Variants in MB21D2 observed in about 807,000 individuals in gnomAD.
MB21D2 encodes the protein Mab-21 domain containing 2.
Under a neutral mutation model 33.3 loss-of-function variants are expected in MB21D2, and 9 were observed. The observed-to-expected ratio is 0.27, with a 90% confidence interval of 0.16 to 0.47. The LOEUF is 0.47. Among genes scored for constraint, MB21D2 ranks in the 20% least tolerant of loss-of-function variants. The probability of loss-of-function intolerance (pLI) is 0.99; values close to 1 mark genes in which losing one functional copy is unlikely to be tolerated. For missense variants in MB21D2, 540 were observed against 624.6 expected, an observed-to-expected ratio of 0.86 and a Z score of 1.44; for synonymous variants, 241 against 236.3, an observed-to-expected ratio of 1.02 and a Z score of -0.18.
chr3:192,814,782 G>A (rs1294863872), intron 1 of MB21D2, among the ~76,000 whole-genome samples: 2 of 151,706 alleles, frequency 1.3e-5, no homozygotes, highest in African/African-American at 4.8e-5. Flanking sequence ...GGAGAATGGC[G>A]TGAACCCAGG....
At chr3:192,889,081 C>T (rs1208063023) in intron 1 of MB21D2, among the ~76,000 whole-genome samples, 1 of 152,070 alleles carries the variant, frequency 6.6e-6, no homozygotes, top group Non-Finnish European at 1.5e-5. Context: ...TCAGCAAGCA[C>T]GCAATCCAGT....
At chr3:192,878,168 C>G (rs554845779) in intron 1 of MB21D2, among the ~76,000 whole-genome samples, 1 of 145,260 alleles carries the variant, frequency 6.9e-6, no homozygotes, top group African/African-American at 2.6e-5. Flanking sequence ...GGCGCAATCT[C>G]GGCTCACTGC....
intron 1 of MB21D2, among the ~76,000 whole-genome samples, chr3:192,878,047 G>A (rs987584702): frequency 5.4e-5 from 8 of 149,526 alleles, no homozygotes; most frequent in Non-Finnish European, 7.4e-5. Context: ...AGGCAGGAAC[G>A]GCCCGTACGA....
intron 1 of MB21D2, among the ~76,000 whole-genome samples, chr3:192,832,713 C>A (rs1189957206): frequency 1.3e-5 from 2 of 152,080 alleles, no homozygotes; most frequent in Non-Finnish European, 2.9e-5. Context: ...TCACTTGGAC[C>A]CGGGAGGCGG....
chr3:192,911,893 C>T (rs1714365460), intron 1 of MB21D2, among the ~76,000 whole-genome samples: 1 of 152,158 alleles, frequency 6.6e-6, no homozygotes, highest in South Asian at 2.1e-4. Flanking sequence ...TCTACAGATG[C>T]AGCACATAGT....
At chr3:192,835,043 C>T (rs1391183117) in intron 1 of MB21D2, among the ~76,000 whole-genome samples, 1 of 149,596 alleles carries the variant, frequency 6.7e-6, no homozygotes. Flanking sequence ...CTCTTGACCT[C>T]GTGATCAGCT....
At chr3:192,835,360 G>A (rs1712414299) in intron 1 of MB21D2, among the ~76,000 whole-genome samples, 1 of 145,442 alleles carries the variant, frequency 6.9e-6, no homozygotes, top group South Asian at 2.2e-4. Context: ...GGAGGTTGAG[G>A]CAAGAGAATG....
intron 1 of MB21D2, among the ~76,000 whole-genome samples, chr3:192,841,377 G>A (rs375037855): frequency 6.6e-6 from 1 of 152,216 alleles, no homozygotes; most frequent in African/African-American, 2.4e-5. Flanking sequence ...TAACAAATAA[G>A]CGTGATGGTT....
In MB21D2 at chr3:192,797,425, C is replaced by G. The variant is rs889844603; in HGVS notation, c.*961G>C. On this transcript the variant is annotated 3_prime_UTR_variant, in exon 2 of 2. Transcript: ENST00000392452. ...GGGGTCAACATGTATAAAGCTTTAA[C>G]AACTTCTCTCAGTAAGACAGGAACC... 6.6e-6 allele frequency: 1 copy of G among 152,572 alleles called. No individual in the cohort carries two copies. Among genetic ancestry groups the G allele is most frequent in the African/African-American group, 2.4e-5 (1 of 41,424 alleles). 9.5% of individuals were successfully genotyped at this position (152,572 alleles called of 1,614,324 possible).
At chr3:192,843,111 A>G (rs1310739439) in intron 1 of MB21D2, among the ~76,000 whole-genome samples, 1 of 152,192 alleles carries the variant, frequency 6.6e-6, no homozygotes, top group East Asian at 1.9e-4. Flanking sequence ...GAGAAAGTTA[A>G]AGCTACTAGC....
intron 1 of MB21D2, among the ~76,000 whole-genome samples, chr3:192,912,355 C>A (rs1714375470): frequency 6.6e-6 from 1 of 151,778 alleles, no homozygotes; most frequent in African/African-American, 2.4e-5. Context: ...GAAAGAGGGA[C>A]AGAGACAGGA....
chr3:192,853,978 C>A (rs1270260014), intron 1 of MB21D2, among the ~76,000 whole-genome samples: 1 of 152,206 alleles, frequency 6.6e-6, no homozygotes, highest in Non-Finnish European at 1.5e-5. Flanking sequence ...CCAGCTGTTA[C>A]CCCAGCTCTC....
At chr3:192,868,795 C>T (rs1327431264) in intron 1 of MB21D2, among the ~76,000 whole-genome samples, 2 of 152,112 alleles carry the variant, frequency 1.3e-5, no homozygotes, top group Admixed American at 6.6e-5. Flanking sequence ...AATTCACTGC[C>T]ACATATAATC....
At chr3:192,815,298 A>C (rs1472259762) in intron 1 of MB21D2, among the ~76,000 whole-genome samples, 2 of 152,194 alleles carry the variant, frequency 1.3e-5, no homozygotes, top group Non-Finnish European at 2.9e-5. Context: ...CACAGCACTG[A>C]ACCTGGCACA....
Position 192,799,276 on chromosome 3 carries a change from G to A in MB21D2, c.586C>T (p.Leu196=), listed in dbSNP as rs149793147. Residue 196 remains leucine (L), a synonymous_variant, in exon 2 of 2, where the codon CTA becomes TTA. Coordinates refer to ENST00000392452, the MANE Select transcript of MB21D2 (RefSeq NM_178496.4). The surrounding 1 kb of genome is among the most constrained non-coding windows in gnomAD (Gnocchi z 4.1). ...DWFYDSISIV[L]SEIQKKPQRG... ...TGGGGTTTCTTCTGTATTTCTGATA[G>A]GACAATGCTGATAGAGTCATAGAAC... 8.1e-5 allele frequency: 131 copies of A among 1,614,210 alleles called. No individual in the cohort carries two copies. The African/African-American group carries it at 1.6e-3, about 20-fold the overall frequency.
chr3:192,859,386 T>C (rs888005167), intron 1 of MB21D2, among the ~76,000 whole-genome samples: 27 of 151,892 alleles, frequency 1.8e-4, no homozygotes, highest in African/African-American at 5.3e-4. Flanking sequence ...CTGCCCAAAA[T>C]AGATCTCAGA....
intron 1 of MB21D2, among the ~76,000 whole-genome samples, chr3:192,887,059 T>C (rs1199366307): frequency 6.6e-6 from 1 of 152,098 alleles, no homozygotes; most frequent in African/African-American, 2.4e-5. Context: ...GGCTACCAAT[T>C]CATTTCGAGA....
At chr3:192,835,553 T>A (rs6444666) in intron 1 of MB21D2, among the ~76,000 whole-genome samples, 92,730 of 151,144 alleles carry the variant, frequency 0.61, 30,237 homozygotes, top group African/African-American at 0.83. Flanking sequence ...GATTCCCAAA[T>A]CACTTATAGA....
At chr3:192,830,760 G>A (rs759462247) in intron 1 of MB21D2, among the ~76,000 whole-genome samples, 4 of 152,132 alleles carry the variant, frequency 2.6e-5, no homozygotes, top group Admixed American at 1.3e-4. Context: ...TCATCTGCTC[G>A]CTAGCATGAA....
Sources: gnomAD v4.1 joint callset for allele counts (sites outside exome capture counted in the v4.1 genomes callset) on GRCh38, gnomAD v4.1.1 for gene constraint, Gnocchi (gnomAD v3.1) non-coding constraint, MANE v1.5 for transcripts, NCBI Gene and HGNC (gene_info 2026-07-23, HGNC 2026-07-21) for gene names.